Variants in LINC02747 observed in about 807,000 individuals in gnomAD.
The protein encoded by LINC02747 is long independently transcribed non-coding RNA 2747.
chr11:69,477,866 C>CGAAAATGCAAGAT (rs915480898), intron 1 of LINC02747, among the ~76,000 whole-genome samples: 8 of 152,008 alleles, frequency 5.3e-5, no homozygotes, highest in African/African-American at 1.7e-4. Context: ...CTGTGCAAGA[C>CGAAAATGCAAGAT]GAAAATGCAA....
chr11:69,480,328 G>A (rs1182397764), intron 1 of LINC02747, among the ~76,000 whole-genome samples: 1 of 152,174 alleles, frequency 6.6e-6, no homozygotes, highest in African/African-American at 2.4e-5. Context: ...GCTTCCCAGG[G>A]AGAGTTCCCA....
chr11:69,480,043 G>A, intron 1 of LINC02747: 1 of 152,434 alleles, frequency 6.6e-6, no homozygotes, highest in Non-Finnish European at 1.5e-5. Context: ...CCCCCTTTGG[G>A]CAAACGGGAC....
At chr11:69,479,474 C>A (rs1305492986) in intron 1 of LINC02747, among the ~76,000 whole-genome samples, 1 of 152,104 alleles carries the variant, frequency 6.6e-6, no homozygotes, top group Admixed American at 6.5e-5. Flanking sequence ...GTATTATTCT[C>A]ATGAGCAGAA....
At chr11:69,477,326 T>C (rs1206454867) in exon 2 of LINC02747, 1 of 152,256 alleles carries the variant, frequency 6.6e-6, no homozygotes, top group Admixed American at 6.5e-5. Context: ...ACGACAGCCA[T>C]GGGCTGAGCA....
intron 1 of LINC02747, among the ~76,000 whole-genome samples, chr11:69,481,181 A>G (rs1055609037): frequency 6.6e-5 from 10 of 152,154 alleles, no homozygotes; most frequent in African/African-American, 1.9e-4. Flanking sequence ...ACACATGAGG[A>G]GGCACCAGGA....
chr11:69,479,180 A>C (rs1454252551), intron 1 of LINC02747, among the ~76,000 whole-genome samples: 2 of 146,080 alleles, frequency 1.4e-5, no homozygotes, highest in South Asian at 4.6e-4. Context: ...CCTTGAACCC[A>C]GGAGGCGGAG....
chr11:69,479,514 G>A (rs987373244), intron 1 of LINC02747, among the ~76,000 whole-genome samples: 2 of 152,140 alleles, frequency 1.3e-5, no homozygotes, highest in Admixed American at 6.5e-5. Context: ...TTTGGGATGA[G>A]AGAAGGGTGC....
At chr11:69,480,519 G>A (rs534886610) in intron 1 of LINC02747, among the ~76,000 whole-genome samples, 28 of 152,298 alleles carry the variant, frequency 1.8e-4, no homozygotes, top group African/African-American at 6.7e-4. Flanking sequence ...CTGAGTCTTG[G>A]GAAATTGAGA....
At chr11:69,481,033 A>ATGGGGCTGAGG (rs924093305) in intron 1 of LINC02747, among the ~76,000 whole-genome samples, 2 of 152,196 alleles carry the variant, frequency 1.3e-5, no homozygotes, top group African/African-American at 2.4e-5. Flanking sequence ...TGTGCTGGGC[A>ATGGGGCTGAGG]TGGGGCTGAG....
chr11:69,480,408 A>G (rs1469513388), intron 1 of LINC02747, among the ~76,000 whole-genome samples: 3 of 152,210 alleles, frequency 2.0e-5, no homozygotes, highest in Non-Finnish European at 4.4e-5. Context: ...ACGGGCACCC[A>G]GAACCCTGAC....
At chr11:69,476,634 G>C (rs117912615) in exon 2 of LINC02747, 3 of 152,130 alleles carry the variant, frequency 2.0e-5, no homozygotes, top group Admixed American at 2.0e-4. Context: ...CGTGGACCCC[G>C]CATACAGGGG....
intron 1 of LINC02747, among the ~76,000 whole-genome samples, chr11:69,480,738 T>TG (rs1475882329): frequency 2.0e-4 from 30 of 152,230 alleles, no homozygotes; most frequent in African/African-American, 7.0e-4. Context: ...GAGCCGGCAC[T>TG]GGGCGGGATC....
At chr11:69,478,774 G>A (rs1247786310) in intron 1 of LINC02747, among the ~76,000 whole-genome samples, 2 of 152,158 alleles carry the variant, frequency 1.3e-5, no homozygotes, top group Non-Finnish European at 2.9e-5. Flanking sequence ...GTCGAGGCAG[G>A]AGAATCACTT....
exon 2 of LINC02747, chr11:69,475,733 CAG>C (rs1156859465): frequency 1.3e-5 from 2 of 152,026 alleles, no homozygotes; most frequent in Admixed American, 1.3e-4. Flanking sequence ...CGACAGAGAG[CAG>C]AGACAGAGCC....
At chr11:69,479,006 G>A (rs1422878181) in intron 1 of LINC02747, among the ~76,000 whole-genome samples, 2 of 152,172 alleles carry the variant, frequency 1.3e-5, no homozygotes, top group Admixed American at 6.5e-5. Context: ...TGTAATCCCA[G>A]CACTTTGGGA....
chr11:69,477,993 C>A (rs1056416434), intron 1 of LINC02747, among the ~76,000 whole-genome samples: 1 of 152,208 alleles, frequency 6.6e-6, no homozygotes, highest in Admixed American at 6.5e-5. Context: ...CATTCAATAC[C>A]TGTCTGACAA....
intron 1 of LINC02747, among the ~76,000 whole-genome samples, chr11:69,479,231 G>A (rs1857025355): frequency 1.4e-5 from 2 of 145,116 alleles, no homozygotes. Flanking sequence ...CTCCAGCCTG[G>A]GTGACAAAGT....
At chr11:69,479,885 CT>C (rs1857033272) in intron 1 of LINC02747, 1 of 152,348 alleles carries the variant, frequency 6.6e-6, no homozygotes, top group Non-Finnish European at 1.5e-5. Context: ...TCTGGCCTCT[CT>C]GGTGAGCTGC....
exon 2 of LINC02747, chr11:69,476,918 C>G (rs897116795): frequency 6.6e-6 from 1 of 152,300 alleles, no homozygotes; most frequent in Admixed American, 6.5e-5. Context: ...AAGGAAGAGG[C>G]CAGACCATTC....
Sources: gnomAD v4.1 joint callset for allele counts (sites outside exome capture counted in the v4.1 genomes callset) on GRCh38, gnomAD v4.1.1 for gene constraint, MANE v1.5 for transcripts, NCBI Gene and HGNC (gene_info 2026-07-23, HGNC 2026-07-21) for gene names.